The following CACNB4 variants were observed in gnomAD, a reference collection of about 807,000 sequenced individuals.
CACNB4 encodes the protein voltage-dependent L-type calcium channel subunit beta-4.
In CACNB4, 32 loss-of-function variants were observed where a neutral mutation model predicts 71.2. That is an observed-to-expected ratio of 0.45 (90% CI 0.34 to 0.60). CACNB4 has a LOEUF of 0.60. Among genes scored for constraint, CACNB4 ranks in the 20% least tolerant of loss-of-function variants. CACNB4 has a pLI of 0.01. For synonymous variants in CACNB4, 231 were observed against 236.9 expected, an observed-to-expected ratio of 0.97 and a Z score of 0.23; for missense variants, 464 against 647.9, an observed-to-expected ratio of 0.72 and a Z score of 3.08.
At chr2:152,047,240 C>T (rs190049615) in intron 2 of CACNB4, among the ~76,000 whole-genome samples, 6 of 152,208 alleles carry the variant, frequency 3.9e-5, no homozygotes, top group Admixed American at 2.0e-4. Context: ...AAACCCAAAC[C>T]CTTACCAGAT....
At chr2:152,001,349 T>C (rs924997920) in intron 2 of CACNB4, among the ~76,000 whole-genome samples, 1 of 151,578 alleles carries the variant, frequency 6.6e-6, no homozygotes, top group African/African-American at 2.4e-5. Context: ...GAAATGTGTA[T>C]GTACCTGAAT....
intron 2 of CACNB4, among the ~76,000 whole-genome samples, chr2:152,028,698 G>A (rs1684106531): frequency 6.6e-6 from 1 of 152,212 alleles, no homozygotes; most frequent in Admixed American, 6.5e-5. Context: ...ACCACGTGGT[G>A]AACAGCTTGC....
intron 9 of CACNB4, chr2:151,867,226 T>C (rs2099843398): frequency 6.6e-6 from 1 of 152,198 alleles, no homozygotes. Context: ...ACTCCATACA[T>C]ATCTGAAGGA....
chr2:151,937,700 T>C (rs777786123), intron 2 of CACNB4, among the ~76,000 whole-genome samples: 1 of 152,162 alleles, frequency 6.6e-6, no homozygotes, highest in Non-Finnish European at 1.5e-5. Flanking sequence ...ACTTGCAGAT[T>C]TGCAATGGAA....
intron 2 of CACNB4, among the ~76,000 whole-genome samples, chr2:152,047,288 G>C (rs947528298): frequency 4.6e-5 from 7 of 152,084 alleles, no homozygotes; most frequent in African/African-American, 1.7e-4. Flanking sequence ...CCTCAAATAA[G>C]GGGGAAATGA....
At chr2:151,867,660 C>G (rs764784090) in intron 9 of CACNB4, 9 of 152,162 alleles carry the variant, frequency 5.9e-5, no homozygotes, top group Non-Finnish European at 1.2e-4. Flanking sequence ...ATTATTGATT[C>G]AACAAATTCT....
intron 2 of CACNB4, among the ~76,000 whole-genome samples, chr2:151,984,363 A>G (rs1284222995): frequency 6.6e-6 from 1 of 152,216 alleles, no homozygotes; most frequent in East Asian, 1.9e-4. Flanking sequence ...AGAAATTATG[A>G]GCTTTTCTCA....
At position 151,894,926 on chromosome 2, in the gene CACNB4, T is replaced by C. The variant is rs60885003; in HGVS notation, c.148-11556A>G. Among the ~76,000 whole-genome samples the C allele has an allele frequency of 4.3e-3, 652 of 151,866 alleles. 2 individuals are homozygous for C. The highest frequency in any genetic ancestry group is 0.015 in the African/African-American group (615 of 41,408). On this transcript the variant is annotated intron_variant, in intron 2 of 13. Coordinates refer to ENST00000539935, the MANE Select transcript of CACNB4 (RefSeq NM_000726.5). ...TGAAAGAAATAGAAGAAAACACAAATGGAAAGACATCCCACGTTCATGGAT... is the reference window on the plus strand; with the variant it reads ...TGAAAGAAATAGAAGAAAACACAAACGGAAAGACATCCCACGTTCATGGAT...
At chr2:152,055,075 A>C (rs6433803) in intron 2 of CACNB4, among the ~76,000 whole-genome samples, 1 of 152,226 alleles carries the variant, frequency 6.6e-6, no homozygotes, top group Non-Finnish European at 1.5e-5. Flanking sequence ...GCAGTGGCAC[A>C]ATCTCAGCTC....
intron 2 of CACNB4, among the ~76,000 whole-genome samples, chr2:152,031,306 G>A (rs1684269453): frequency 6.6e-6 from 1 of 152,188 alleles, no homozygotes; most frequent in East Asian, 1.9e-4. Flanking sequence ...TTATGATGAT[G>A]ACTTAATGAC....
At chr2:152,041,550 A>G (rs1684874538) in intron 2 of CACNB4, among the ~76,000 whole-genome samples, 1 of 152,244 alleles carries the variant, frequency 6.6e-6, no homozygotes, top group South Asian at 2.1e-4. Context: ...ATGAGAGTTT[A>G]CTAAAATCAT....
chr2:151,975,649 T>C (rs549204466), intron 2 of CACNB4, among the ~76,000 whole-genome samples: 90 of 152,156 alleles, frequency 5.9e-4, no homozygotes, highest in African/African-American at 2.1e-3. Flanking sequence ...GAACCTCGGT[T>C]CCCTCCCCCA....
intron 13 of CACNB4, 117 bp downstream of exon 13, chr2:151,841,786 T>C (rs1428615475): frequency 3.6e-6 from 3 of 826,704 alleles, no homozygotes; most frequent in Non-Finnish European, 5.9e-6. Context: ...TTAAATATAA[T>C]GTGCACATAG....
At chr2:151,970,002 A>G (rs1211931909) in intron 2 of CACNB4, 1 of 152,186 alleles carries the variant, frequency 6.6e-6, no homozygotes, top group Non-Finnish European at 1.5e-5. Flanking sequence ...CTCTTTCTAA[A>G]TGCTTTAGAA....
intron 9 of CACNB4, chr2:151,861,852 A>AAAAAAAAAAAAAAAAAC (rs1559883027): frequency 3.3e-4 from 49 of 146,608 alleles, no homozygotes; most frequent in African/African-American, 1.3e-3. Context: ...CAAAAAAAAA[A>AAAAAAAAAAAAAAAAAC]AAAAAACTGA....
chr2:151,875,927 G>A (rs1267899231), intron 5 of CACNB4, among the ~76,000 whole-genome samples: 36 of 32,752 alleles, frequency 1.1e-3, no homozygotes, highest in Non-Finnish European at 2.1e-3. Flanking sequence ...CGGCCGGGCA[G>A]AGGCACCCCT....
chr2:152,043,753 A>T (rs1684996852), intron 2 of CACNB4, among the ~76,000 whole-genome samples: 1 of 152,184 alleles, frequency 6.6e-6, no homozygotes, highest in South Asian at 2.1e-4. Flanking sequence ...AAATTCACTT[A>T]TTTCTTTTGT....
chr2:152,006,538 C>G (rs1682740442), intron 2 of CACNB4, among the ~76,000 whole-genome samples: 3 of 151,744 alleles, frequency 2.0e-5, no homozygotes, highest in African/African-American at 7.3e-5. Context: ...GTAGCTGGGA[C>G]TACAGGTGTG....
chr2:151,985,966 T>A (rs1579075610), intron 2 of CACNB4, among the ~76,000 whole-genome samples: 2 of 152,208 alleles, frequency 1.3e-5, no homozygotes, highest in East Asian at 3.8e-4. Flanking sequence ...CTACATTTTC[T>A]AAAAATTCCA....
Sources: gnomAD v4.1 joint callset for allele counts (sites outside exome capture counted in the v4.1 genomes callset) on GRCh38, gnomAD v4.1.1 for gene constraint, MANE v1.5 for transcripts, NCBI Gene and HGNC (gene_info 2026-07-23, HGNC 2026-07-21) for gene names.